Variants in TENM3 observed in about 807,000 individuals in gnomAD.
TENM3 encodes the protein teneurin transmembrane protein 3.
A neutral mutation model predicts 255.1 loss-of-function variants in TENM3; 63 were observed. The observed-to-expected ratio is 0.25, with a 90% CI of 0.20 to 0.30. The LOEUF (loss-of-function observed/expected upper bound fraction) is 0.30, where lower values mean the gene tolerates loss of function less well. Ranked by LOEUF, TENM3 falls within the 10% of genes least tolerant of loss-of-function variation. The pLI is 1.00. For missense variants in TENM3, 2,929 were observed against 3,461.1 expected (o/e 0.85, Z 3.86); for synonymous variants, 1,306 against 1,322.3 (o/e 0.99, Z 0.27).
chr4:181,685,980 C>CA, the TENM3 span, among the ~76,000 whole-genome samples: 1 of 152,060 alleles, frequency 6.6e-6, no homozygotes, highest in South Asian at 2.1e-4. Flanking sequence ...TTTTAGCCAT[C>CA]GAAGGTGTTT....
At chr4:182,230,589 G>A (rs900824240) in intron 1 of TENM3, among the ~76,000 whole-genome samples, 6 of 151,832 alleles carry the variant, frequency 4.0e-5, no homozygotes, top group African/African-American at 1.4e-4. Context: ...AAGATGGTCT[G>A]TGCCGAGCAT....
intron 12 of TENM3, among the ~76,000 whole-genome samples, chr4:182,713,848 C>T (rs1010788333): frequency 6.6e-6 from 1 of 152,094 alleles, no homozygotes; most frequent in African/African-American, 2.4e-5. Flanking sequence ...TTTAGTGGAT[C>T]GTTGCATATA....
At chr4:182,468,824 TTGTGTGTGTGTGTGTG>T (rs66517986) in intron 3 of TENM3, among the ~76,000 whole-genome samples, 70 of 143,878 alleles carry the variant, frequency 4.9e-4, no homozygotes, top group Middle Eastern at 7.0e-3. Flanking sequence ...TCCTGTGTGC[TTGTGTGTGTGTGTGTG>T]TGTGTGTGTG....
At chr4:181,857,428 T>A in the TENM3 span, among the ~76,000 whole-genome samples, 6 of 151,474 alleles carry the variant, frequency 4.0e-5, no homozygotes, top group Non-Finnish European at 8.8e-5. Flanking sequence ...AGAGACTGGA[T>A]TTTTGGCCAG....
chr4:182,015,721 C>T, the TENM3 span, among the ~76,000 whole-genome samples: 8 of 152,080 alleles, frequency 5.3e-5, no homozygotes, highest in South Asian at 1.7e-3. Flanking sequence ...CCACCACACC[C>T]AGCTAGTTTT....
the TENM3 span, among the ~76,000 whole-genome samples, chr4:181,804,052 G>A: frequency 9.9e-4 from 144 of 144,978 alleles, no homozygotes; most frequent in Non-Finnish European, 1.6e-3. Context: ...AGGAAGGGAG[G>A]AAGGAGAGAA....
intron 13 of TENM3, among the ~76,000 whole-genome samples, chr4:182,718,496 G>C (rs1008679859): frequency 2.0e-5 from 3 of 152,174 alleles, no homozygotes; most frequent in Non-Finnish European, 2.9e-5. Context: ...GCTGTCACCA[G>C]AAGAAAGGGG....
chr4:182,793,919 G>C lies in TENM3; in HGVS notation c.7213+34G>C. On this transcript the variant is annotated intron_variant, in intron 26 of 27. Transcript: ENST00000511685. This position sits in a 1 kb window ranked among gnomAD's most constrained non-coding sequence, Gnocchi z 5.7. ...TTTGATTCCTTCCCAAGAGCTGGAGGACTACCATCATTAGATTAATACACA... is the reference window on the plus strand; with the variant it reads ...TTTGATTCCTTCCCAAGAGCTGGAGCACTACCATCATTAGATTAATACACA... The C allele has an allele frequency of 1.3e-6, 2 of 1,536,958 alleles. No homozygotes were observed. The highest frequency in any genetic ancestry group is 1.8e-6 in the Non-Finnish European group (2 of 1,138,476).
the TENM3 span, among the ~76,000 whole-genome samples, chr4:182,077,376 A>G: frequency 6.6e-6 from 1 of 152,218 alleles, no homozygotes; most frequent in Non-Finnish European, 1.5e-5. Context: ...TATTCATGTA[A>G]CACTGTTTGT....
chr4:182,615,032 A>AAG (rs1235854941), intron 4 of TENM3, among the ~76,000 whole-genome samples: 3 of 86,532 alleles, frequency 3.5e-5, no homozygotes, highest in African/African-American at 3.5e-5. Context: ...TTCTCAGAAA[A>AAG]AAAAAAAAAA....
intron 1 of TENM3, among the ~76,000 whole-genome samples, chr4:182,313,192 A>T (rs1762552767): frequency 1.3e-5 from 2 of 151,990 alleles, no homozygotes; most frequent in African/African-American, 4.8e-5. Flanking sequence ...GATGAGAGTT[A>T]AGCCACTTTT....
At chr4:181,810,141 G>A in the TENM3 span, among the ~76,000 whole-genome samples, 5 of 152,134 alleles carry the variant, frequency 3.3e-5, no homozygotes, top group Non-Finnish European at 7.3e-5. Flanking sequence ...TAACAAGCAC[G>A]GGATCCAGGA....
intron 3 of TENM3, among the ~76,000 whole-genome samples, chr4:182,422,917 G>T (rs1175860944): frequency 6.6e-6 from 1 of 152,168 alleles, no homozygotes; most frequent in Non-Finnish European, 1.5e-5. Flanking sequence ...AGTCTAAGTT[G>T]CGGAGCTCAC....
intron 1 of TENM3, among the ~76,000 whole-genome samples, chr4:182,217,987 G>C (rs1416169709): frequency 1.3e-5 from 2 of 152,182 alleles, no homozygotes; most frequent in Non-Finnish European, 2.9e-5. Context: ...ACAGTCATCG[G>C]AGTAACAGTA....
At chr4:182,418,601 C>G (rs1024810244) in intron 3 of TENM3, among the ~76,000 whole-genome samples, 1 of 151,996 alleles carries the variant, frequency 6.6e-6, no homozygotes, top group Non-Finnish European at 1.5e-5. Flanking sequence ...CACCCTGTTA[C>G]CCAGCCTGGA....
chr4:181,649,816 G>A, the TENM3 span, among the ~76,000 whole-genome samples: 1 of 152,158 alleles, frequency 6.6e-6, no homozygotes, highest in Non-Finnish European at 1.5e-5. Context: ...TAACAATATT[G>A]TCTACAGTCT....
intron 3 of TENM3, among the ~76,000 whole-genome samples, chr4:182,459,818 T>C (rs2151382173): frequency 6.6e-6 from 1 of 152,330 alleles, no homozygotes; most frequent in Non-Finnish European, 1.5e-5. Flanking sequence ...TTTCAGGAGT[T>C]GGGCATCAGA....
the TENM3 span, among the ~76,000 whole-genome samples, chr4:181,828,494 T>C: frequency 6.6e-6 from 1 of 152,244 alleles, no homozygotes; most frequent in Non-Finnish European, 1.5e-5. Flanking sequence ...AATGCTGAGA[T>C]TAAGGCTCAA....
At chr4:182,254,676 G>T (rs1467501534) in intron 1 of TENM3, among the ~76,000 whole-genome samples, 1 of 152,140 alleles carries the variant, frequency 6.6e-6, no homozygotes, top group Admixed American at 6.6e-5. Flanking sequence ...GAATTTGAAC[G>T]TGTGTGAGAA....
Sources: gnomAD v4.1 joint callset for allele counts (sites outside exome capture counted in the v4.1 genomes callset) on GRCh38, gnomAD v4.1.1 for gene constraint, Gnocchi (gnomAD v3.1) non-coding constraint, MANE v1.5 for transcripts, NCBI Gene and HGNC (gene_info 2026-07-23, HGNC 2026-07-21) for gene names.